Variants in PACS2 observed in about 807,000 individuals in gnomAD.
PACS2 encodes the protein PACS1-like protein.
Under a neutral mutation model 113.0 loss-of-function variants are expected in PACS2, and 36 were observed. That is an observed-to-expected ratio of 0.32 (90% confidence interval 0.24 to 0.42). The LOEUF is 0.42. Among genes scored for constraint, PACS2 ranks in the 10% least tolerant of loss-of-function variants. The pLI is 1.00. For missense variants in PACS2, 1,015 were observed against 1,239.5 expected, an observed-to-expected ratio of 0.82 and a Z score of 2.72; for synonymous variants, 589 against 536.1, an observed-to-expected ratio of 1.10 and a Z score of -1.36.
intron 1 of PACS2, among the ~76,000 whole-genome samples, chr14:105,334,958 G>T (rs1405671709): frequency 6.6e-6 from 1 of 152,248 alleles, no homozygotes; most frequent in Non-Finnish European, 1.5e-5. Flanking sequence ...TGTTGGTGAG[G>T]CACACTGTAC....
intron 19 of PACS2, among the ~76,000 whole-genome samples, chr14:105,387,363 C>G (rs782206769): frequency 1.3e-5 from 2 of 152,252 alleles, no homozygotes; most frequent in Non-Finnish European, 2.9e-5. Flanking sequence ...GGAGGGCGGC[C>G]TCGAGCCCCA....
intron 1 of PACS2, among the ~76,000 whole-genome samples, chr14:105,306,849 A>G (rs940202197): frequency 2.0e-5 from 3 of 151,224 alleles, no homozygotes; most frequent in African/African-American, 4.9e-5. Flanking sequence ...CAAATGATCC[A>G]TCTGCCTTGG....
At chr14:105,388,389 A>G (rs1555414103) in intron 19 of PACS2, among the ~76,000 whole-genome samples, 4 of 152,204 alleles carry the variant, frequency 2.6e-5, no homozygotes, top group Non-Finnish European at 1.5e-5. Flanking sequence ...TTGTGGGCAC[A>G]CTTTGTGGGG....
intron 20 of PACS2, chr14:105,390,961 CTT>C: frequency 1.7e-6 from 1 of 574,852 alleles, no homozygotes; most frequent in South Asian, 2.1e-5. Flanking sequence ...TGAGGGCCGA[CTT>C]TAGAGAGAGC....
rs781824809 is a variant in PACS2 at position 105,382,500 on chromosome 14, C to A, written c.1437C>A (p.Asp479Glu). The A allele has an allele frequency of 2.5e-6, 4 of 1,609,642 alleles. No homozygotes were observed. The African/African-American group carries it at 5.3e-5, about 22-fold the overall frequency. ...AGATCCCCAGGAAGACTGTGTATGA[C>A]CAGCTCAACCACATCCTCATCTCCG... Reference protein sequence around the residue: ...QLQIPRKTVYDQLNHILISDD... With the variant: ...QLQIPRKTVYEQLNHILISDD... The change falls in exon 14 of 25, where the codon GAC (aspartate) becomes GAA (glutamate). Residue 479 changes from aspartate to glutamate, a missense_variant. Physicochemically the swap from Asp to Glu is conservative, Grantham distance 45 (BLOSUM62 2). Transcript: ENST00000447393.
rs782126895 is a variant in PACS2 at position 105,384,847 on chromosome 14, G to A, written c.1892-32G>A. ...CCGCCTGCAACCCCACCTGGCACCAGCCTAACCCCCCACCGCCTCCTCCCC... is the reference window on the plus strand; with the variant it reads ...CCGCCTGCAACCCCACCTGGCACCAACCTAACCCCCCACCGCCTCCTCCCC... On this transcript the variant is annotated intron_variant, in intron 17 of 24. Transcript: ENST00000447393. The A allele has an allele frequency of 1.7e-5, 24 of 1,400,416 alleles. 1 individual carries two copies. In the South Asian group the frequency reaches 2.8e-4, roughly 17 times the overall value. The allele number at this position is 1,400,416 out of a possible 1,614,324, so 86.7% of individuals were successfully genotyped here.
chr14:105,311,547 G>C (rs950446027), upstream of PACS2, among the ~76,000 whole-genome samples: 3 of 152,190 alleles, frequency 2.0e-5, no homozygotes, highest in African/African-American at 7.2e-5. Flanking sequence ...GAGCCCCTGC[G>C]ACTGGCCTGT....
intron 20 of PACS2, 89 bp from the exon 21 acceptor site, chr14:105,391,118 C>G: frequency 4.2e-6 from 4 of 963,134 alleles, no homozygotes; most frequent in Non-Finnish European, 6.7e-6. Context: ...GGAGTGGTGG[C>G]CACGGTGGGG....
At chr14:105,372,023 C>G (rs2141176123) in intron 8 of PACS2, 1 of 152,342 alleles carries the variant, frequency 6.6e-6, no homozygotes, top group East Asian at 1.9e-4. Flanking sequence ...GCCCCACTTC[C>G]TAATTCTAGC....
At chr14:105,385,433 G>A (rs587773787) in intron 18 of PACS2, among the ~76,000 whole-genome samples, 21 of 152,278 alleles carry the variant, frequency 1.4e-4, no homozygotes, top group African/African-American at 4.6e-4. Flanking sequence ...AGGAGCCCCC[G>A]GCCGAAAGTC....
intron 4 of PACS2, among the ~76,000 whole-genome samples, chr14:105,362,342 T>A (rs1377142892): frequency 2.8e-5 from 4 of 145,106 alleles, no homozygotes; most frequent in East Asian, 2.1e-4. Context: ...GGTGTGAACC[T>A]GGAGGTGGAG....
In PACS2 at chr14:105,356,307, T is replaced by C. The variant is rs2060444374; in HGVS notation, c.423+1130T>C. Among the ~76,000 whole-genome samples the C allele has an allele frequency of 1.3e-5, 2 of 152,170 alleles. No homozygotes were observed. Among genetic ancestry groups the C allele is most frequent in the South Asian group, 4.1e-4 (2 of 4,836 alleles). On this transcript the variant is annotated intron_variant, in intron 4 of 24. Coordinates refer to ENST00000447393, the MANE Select transcript of PACS2 (RefSeq NM_001100913.3). This position sits in a 1 kb window ranked among gnomAD's most constrained non-coding sequence, Gnocchi z 4.0. ...CAGCCCTCCCTGCTACCCCAGGAGATGGGAGCGTGGAGGGTACAGGAAGCA... is the reference window on the plus strand; with the variant it reads ...CAGCCCTCCCTGCTACCCCAGGAGACGGGAGCGTGGAGGGTACAGGAAGCA...
rs587720913 is a variant in PACS2, at chr14:105,348,943, C to T, written c.207+363C>T. 1.0e-3 allele frequency among the ~76,000 whole-genome samples: 153 copies of T among 152,268 alleles called. 1 individual carries two copies. Among genetic ancestry groups the T allele is most frequent in the Admixed American group, 2.4e-3 (36 of 15,300 alleles). ...CCACTTTTTGTGGGGTGGAGGGCGT[C>T]GGTGGGAGAGGGGAGCAGGGCACTC... On this transcript the variant is annotated intron_variant, in intron 2 of 24. Transcript: ENST00000447393. The surrounding 1 kb of genome is among the most constrained non-coding windows in gnomAD (Gnocchi z 6.4).
intron 1 of PACS2, among the ~76,000 whole-genome samples, chr14:105,334,244 C>T (rs934541287): frequency 4.6e-5 from 7 of 152,238 alleles, no homozygotes; most frequent in Non-Finnish European, 7.3e-5. Context: ...GAGTGGGCCC[C>T]GGCTGCAGAG....
At chr14:105,369,539 C>T (rs2061073452) in intron 7 of PACS2, among the ~76,000 whole-genome samples, 1 of 152,202 alleles carries the variant, frequency 6.6e-6, no homozygotes, top group Non-Finnish European at 1.5e-5. Flanking sequence ...AGGGCCTTTC[C>T]TGGGAGGGGG....
In PACS2 at chr14:105,308,424, G is replaced by A. The variant is rs187456801; in HGVS notation, c.-83+7445G>A. On this transcript the variant is annotated intron_variant, in intron 1 of 23. Coordinates refer to the PACS2 transcript ENST00000430725. ...CTGAGCCCAGGAGACAGAAGTTGCA[G>A]TGAGCTGAGATGGCACCATTGTACT... 7.6e-4 allele frequency among the ~76,000 whole-genome samples: 115 copies of A among 152,044 alleles called. 1 individual carries two copies. In the East Asian group the frequency reaches 0.015, roughly 20 times the overall value.
At chr14:105,387,067 G>GGGGTGACACTGGCTGCCTCCACGTTATAA (rs1224716411) in intron 19 of PACS2, among the ~76,000 whole-genome samples, 5 of 152,276 alleles carry the variant, frequency 3.3e-5, no homozygotes, top group African/African-American at 1.2e-4. Context: ...CCGTGTTGCA[G>GGGGTGACACTGGCTGCCTCCACGTTATAA]GGGTGACACT....
chr14:105,382,285 C>G lies in PACS2; in HGVS notation c.1414-192C>G, dbSNP rs587602144. 5.3e-5 allele frequency among the ~76,000 whole-genome samples: 8 copies of G among 152,346 alleles called. No individual in the cohort carries two copies. The South Asian group carries it at 1.7e-3, about 32-fold the overall frequency. ...CAAGTTCTAGTCCTTCTGCTGCCCT[C>G]CCTGGTCCAGGGCAGCCTCATTGCT... On this transcript the variant is annotated intron_variant, in intron 13 of 24. Transcript: ENST00000447393.
chr14:105,340,238 G>A lies in PACS2; in HGVS notation c.120-8255G>A, dbSNP rs111317201. On this transcript the variant is annotated intron_variant, in intron 1 of 24. Transcript: ENST00000447393. This position sits in a 1 kb window ranked among gnomAD's most constrained non-coding sequence, Gnocchi z 4.2. ...CAGAAATGGCCTCATTCATCTGTGG[G>A]GAAAGGATATACTTCTGGGTAAATG... is the stretch of plus-strand genomic sequence containing the variant. Among the ~76,000 whole-genome samples, 98 of 152,310 alleles carry A rather than the reference G, an allele frequency of 6.4e-4. No individual in the cohort carries two copies. Among genetic ancestry groups the A allele is most frequent in the African/African-American group, 2.3e-3 (96 of 41,558 alleles).
Sources: allele counts gnomAD v4.1 joint callset (sites outside exome capture counted in the v4.1 genomes callset), GRCh38; gene constraint gnomAD v4.1.1; non-coding constraint Gnocchi (gnomAD v3.1); transcripts MANE v1.5; gene names NCBI Gene and HGNC (gene_info 2026-07-23, HGNC 2026-07-21).